NDEL1: variants seen among roughly 807,000 people sequenced by gnomAD.
NDEL1 encodes the protein nudE neurodevelopment protein 1 like 1, also known as nuclear distribution protein nudE-like 1.
NDEL1 carries 9 observed loss-of-function variants against 45.7 expected under a neutral mutation model. The ratio of observed to expected loss-of-function variants is 0.20; its 90% CI spans 0.12 to 0.34. The LOEUF (loss-of-function observed/expected upper bound fraction) is 0.34. Among genes scored for constraint, NDEL1 ranks in the 10% least tolerant of loss-of-function variants. The pLI, the probability that NDEL1 is intolerant of heterozygous loss-of-function variation, is 1.00. For synonymous variants in NDEL1, 133 were observed against 158.6 expected, an observed-to-expected ratio of 0.84 and a Z score of 1.21; for missense variants, 306 against 406.2, an observed-to-expected ratio of 0.75 and a Z score of 2.12.
At chr17:8,457,171 T>C (rs1330289386) in intron 7 of NDEL1, among the ~76,000 whole-genome samples, 1 of 152,230 alleles carries the variant, frequency 6.6e-6, no homozygotes, top group Non-Finnish European at 1.5e-5. Flanking sequence ...TTCTTTTGAG[T>C]AGAAGAAACC....
At chr17:8,431,010 C>A (rs1199341294), upstream of NDEL1, among the ~76,000 whole-genome samples, 1 of 152,134 alleles carries the variant, frequency 6.6e-6, no homozygotes, top group African/African-American at 2.4e-5. Context: ...AAGATAAGGC[C>A]AATAGTCCAG....
intron 1 of NDEL1, among the ~76,000 whole-genome samples, chr17:8,441,759 T>C (rs1567729115): frequency 6.6e-6 from 1 of 152,210 alleles, no homozygotes; most frequent in Admixed American, 6.5e-5. Context: ...ATGGGCCTGA[T>C]GGACTAGGCT....
chr17:8,460,008 G>C lies in NDEL1; in HGVS notation c.793-1G>C. On this transcript the variant is annotated splice_acceptor_variant, in intron 7 of 8. Coordinates refer to ENST00000334527, the MANE Select transcript of NDEL1 (RefSeq NM_030808.5). LOFTEE classifies it high-confidence loss of function. ...ATATCATTCCTCCTTCTTTTTTGTA[G>C]GCTTTAGAATCCAAATTAGCAGCTT... is the stretch of plus-strand genomic sequence containing the variant. 6.2e-7 allele frequency: 1 copy of C among 1,604,978 alleles called. No individual in the cohort carries two copies. The highest frequency in any genetic ancestry group is 1.3e-5 in the African/African-American group (1 of 74,320).
chr17:8,472,510 C>A (rs945126198), downstream of NDEL1, among the ~76,000 whole-genome samples: 1 of 152,056 alleles, frequency 6.6e-6, no homozygotes, highest in African/African-American at 2.4e-5. Context: ...AAAGAAAATA[C>A]AAAAATTAGC....
chr17:8,451,024 G>A (rs1256501422), intron 6 of NDEL1, 71 bp downstream of exon 6: 5 of 1,437,260 alleles, frequency 3.5e-6, no homozygotes, highest in African/African-American at 1.4e-5. Context: ...TGCTGAAGGC[G>A]GTTGCTAAGG....
intron 1 of NDEL1, among the ~76,000 whole-genome samples, chr17:8,425,920 T>C (rs930284609): frequency 1.3e-5 from 2 of 152,032 alleles, no homozygotes; most frequent in African/African-American, 2.4e-5. Flanking sequence ...GGCTACAGAA[T>C]AGCTAGGATT....
chr17:8,467,189 C>T lies in NDEL1; in HGVS notation c.*166C>T, dbSNP rs778779685. 24 of 650,602 alleles carry T rather than the reference C, an allele frequency of 3.7e-5. No homozygotes were observed. The highest frequency in any genetic ancestry group is 1.1e-4 in the Admixed American group (4 of 36,102). The allele number at this position is 650,602 out of a possible 1,614,324, so 40.3% of individuals were successfully genotyped here. A position where few individuals can be genotyped will look rare whatever the true frequency, so the allele number is the denominator to read the frequency against. The stretch of plus-strand genomic sequence containing the variant: ...GCGGCTACTGGGCCCTGCCCAGCCC[C>T]GGAACTCTGCGCGATATCAATACTG... On this transcript the variant is annotated 3_prime_UTR_variant, in exon 9 of 9. Transcript: ENST00000334527. The surrounding 1 kb of genome is among the most constrained non-coding windows in gnomAD (Gnocchi z 6.3).
chr17:8,468,960 T>C (rs954498073), downstream of NDEL1, among the ~76,000 whole-genome samples: 1 of 152,134 alleles, frequency 6.6e-6, no homozygotes, highest in African/African-American at 2.4e-5. Flanking sequence ...ACTGAGATCA[T>C]GTCACTGCAC....
In NDEL1 at chr17:8,426,926, GT is replaced by G. The variant is rs397858021; in HGVS notation, c.-13+13659del. On this transcript the variant is annotated intron_variant, in intron 1 of 4. Transcript: ENST00000582812. The stretch of plus-strand genomic sequence containing the variant: ...GCCTGTTTCAGCCGCAACCTAAACT[GT>G]TCTCATTTTTCTCTTTTCTAAAAGC... Among the ~76,000 whole-genome samples the G allele has an allele frequency of 7.1e-3, 1,078 of 152,260 alleles. 7 individuals are homozygous for G. Among genetic ancestry groups the G allele is most frequent in the Non-Finnish European group, 0.011 (725 of 68,030 alleles).
chr17:8,438,187 C>A (rs1221766018), intron 1 of NDEL1, among the ~76,000 whole-genome samples: 1 of 152,110 alleles, frequency 6.6e-6, no homozygotes, highest in East Asian at 1.9e-4. Flanking sequence ...TCGAACTCCT[C>A]ACCTCGTGAT....
chr17:8,431,360 G>A (rs545109590), upstream of NDEL1: 1 of 152,376 alleles, frequency 6.6e-6, no homozygotes, highest in South Asian at 2.1e-4. Context: ...TGGCCTTGAA[G>A]TAAGACCTAC....
chr17:8,415,811 G>C (rs936158923), intron 1 of NDEL1, among the ~76,000 whole-genome samples: 1 of 151,864 alleles, frequency 6.6e-6, no homozygotes, highest in South Asian at 2.1e-4. Flanking sequence ...GTGATGGCGC[G>C]ATCTCAGTTC....
In NDEL1 at chr17:8,437,967, T is replaced by C. The variant is rs562515947; in HGVS notation, c.-13+1922T>C. 6.6e-5 allele frequency among the ~76,000 whole-genome samples: 10 copies of C among 152,200 alleles called. No individual in the cohort carries two copies. In the South Asian group the frequency reaches 2.1e-3, roughly 32 times the overall value. ...TGGGGGCGGGCAGAGAATAATAATT[T>C]TTTTTTTCTTTGATGGAGTCTCCCT... is the stretch of plus-strand genomic sequence containing the variant. On this transcript the variant is annotated intron_variant, in intron 1 of 8. Transcript: ENST00000334527.
At chr17:8,455,873 T>C (rs543896660) in intron 7 of NDEL1, among the ~76,000 whole-genome samples, 100 of 152,312 alleles carry the variant, frequency 6.6e-4, no homozygotes, top group African/African-American at 2.4e-3. Flanking sequence ...TCTCTTACTC[T>C]GTCACTGTTG....
intron 8 of NDEL1, among the ~76,000 whole-genome samples, chr17:8,463,784 G>C (rs1200418069): frequency 6.6e-6 from 1 of 152,242 alleles, no homozygotes; most frequent in African/African-American, 2.4e-5. Flanking sequence ...CCTCACCTCT[G>C]CGCTCACGCA....
downstream of NDEL1, among the ~76,000 whole-genome samples, chr17:8,470,075 C>T (rs1350427161): frequency 6.6e-6 from 1 of 151,954 alleles, no homozygotes; most frequent in Non-Finnish European, 1.5e-5. This position sits in a 1 kb window ranked among gnomAD's most constrained non-coding sequence, Gnocchi z 4.2. Context: ...AAGCAGCCAA[C>T]TCCCTGGCTC....
intron 1 of NDEL1, among the ~76,000 whole-genome samples, chr17:8,428,353 T>G (rs1377885052): frequency 7.6e-6 from 1 of 131,728 alleles, no homozygotes; most frequent in Non-Finnish European, 1.6e-5. Flanking sequence ...TGTGTGTGTG[T>G]GTGTGTGTAT....
At chr17:8,469,852 G>T (rs1187920352), downstream of NDEL1, among the ~76,000 whole-genome samples, 1 of 141,532 alleles carries the variant, frequency 7.1e-6, no homozygotes, top group Non-Finnish European at 1.5e-5. Flanking sequence ...CCGCCGCCAT[G>T]CCTGGCTAAT....
intron 1 of NDEL1, among the ~76,000 whole-genome samples, chr17:8,428,952 C>T (rs1398505177): frequency 3.3e-5 from 5 of 152,204 alleles, no homozygotes; most frequent in East Asian, 1.9e-4. Flanking sequence ...GGATTACAGG[C>T]ATGAGCCACC....
Sources: gnomAD v4.1 joint callset for allele counts (sites outside exome capture counted in the v4.1 genomes callset) on GRCh38, gnomAD v4.1.1 for gene constraint, Gnocchi (gnomAD v3.1) non-coding constraint, MANE v1.5 for transcripts, NCBI Gene and HGNC (gene_info 2026-07-23, HGNC 2026-07-21) for gene names.